Variants in CEP164 observed in about 807,000 individuals in gnomAD.
CEP164 encodes the protein centrosomal protein 164, also known as centrosomal protein of 164 kDa.
CEP164 carries 162 observed loss-of-function variants against 182.7 expected under a neutral mutation model. The observed-to-expected ratio is 0.89, with a 90% CI of 0.78 to 1.01. CEP164 has a LOEUF of 1.01. Ranked by LOEUF, CEP164 falls within the 50% of genes least tolerant of loss-of-function variation. The pLI, the probability that CEP164 is intolerant of heterozygous loss-of-function variation, is 0.00. For synonymous variants in CEP164, 661 were observed against 690.0 expected (o/e 0.96, Z 0.66); for missense variants, 1,735 against 1,790.4 (o/e 0.97, Z 0.56).
rs141552232 is a variant in CEP164, at chr11:117,322,578, CAG to C, written c.-98+7853_-98+7854del. Reference sequence around the variant, plus strand: ...TTTTCCTTTTTCTTTTTTTTTGAGACAGAGTTTTACTCTTGTTGCCCAAGCTG... The same window carrying C: ...TTTTCCTTTTTCTTTTTTTTTGAGACAGTTTTACTCTTGTTGCCCAAGCTG... On this transcript the variant is annotated intron_variant, in intron 1 of 4. Transcript: ENST00000525734. 6.9e-3 allele frequency among the ~76,000 whole-genome samples: 1,042 copies of C among 151,340 alleles called. 11 individuals carry two copies. The highest frequency in any genetic ancestry group is 0.022 in the African/African-American group (901 of 41,210).
chr11:117,335,130 G>A (rs747707080), intron 1 of CEP164, among the ~76,000 whole-genome samples: 2 of 152,124 alleles, frequency 1.3e-5, no homozygotes, highest in Non-Finnish European at 2.9e-5. Context: ...TGCCACCCGG[G>A]TTCCTGGTCC....
At chr11:117,400,753 G>C (rs2046041379) in intron 27 of CEP164, among the ~76,000 whole-genome samples, 2 of 152,196 alleles carry the variant, frequency 1.3e-5, no homozygotes, top group South Asian at 4.1e-4. Context: ...TAGCAACTGT[G>C]AATGGGAGTT....
upstream of CEP164, among the ~76,000 whole-genome samples, chr11:117,327,226 T>C (rs112193791): frequency 8.8e-3 from 1,336 of 152,266 alleles, 22 homozygotes; most frequent in African/African-American, 0.031. Context: ...GCCAGTTTTT[T>C]TGCGGGGAGA....
At chr11:117,391,410 C>T (rs935732551) in intron 17 of CEP164, among the ~76,000 whole-genome samples, 195 bp downstream of exon 17, 3 of 151,968 alleles carry the variant, frequency 2.0e-5, no homozygotes, top group African/African-American at 4.8e-5. Flanking sequence ...CCATATGGAC[C>T]GAATCGGCTC....
chr11:117,388,518 T>C (rs1036249763), intron 15 of CEP164, among the ~76,000 whole-genome samples: 3 of 152,236 alleles, frequency 2.0e-5, no homozygotes, highest in Non-Finnish European at 2.9e-5. Flanking sequence ...TTCCGTCTGC[T>C]GGGAACTTCC....
intron 25 of CEP164, 73 bp downstream of exon 25, chr11:117,396,253 G>A: frequency 1.3e-6 from 2 of 1,524,970 alleles, no homozygotes. Flanking sequence ...CTGGGCATCA[G>A]GGGAGTACTT....
chr11:117,399,938 C>T (rs1308455225), intron 27 of CEP164, among the ~76,000 whole-genome samples: 1 of 152,070 alleles, frequency 6.6e-6, no homozygotes, highest in African/African-American at 2.4e-5. Context: ...CTGTAGGTTG[C>T]CTGTTCACTC....
chr11:117,397,846 G>A (rs2045674302), intron 27 of CEP164, among the ~76,000 whole-genome samples: 1 of 152,086 alleles, frequency 6.6e-6, no homozygotes, highest in Non-Finnish European at 1.5e-5. Flanking sequence ...TGAGATTTTG[G>A]TGGGGACACA....
At chr11:117,355,472 C>T in intron 5 of CEP164, 2 of 1,289,712 alleles carry the variant, frequency 1.6e-6, no homozygotes, top group Non-Finnish European at 2.0e-6. Flanking sequence ...AGGGGAGCAG[C>T]ACAGCCACAG....
At chr11:117,404,403 A>G (rs1250607361) in intron 27 of CEP164, among the ~76,000 whole-genome samples, 1 of 152,202 alleles carries the variant, frequency 6.6e-6, no homozygotes, top group Non-Finnish European at 1.5e-5. Context: ...TCCTTCTAAC[A>G]GGCCACTTTG....
At chr11:117,371,030 T>C (rs370688528) in intron 8 of CEP164, 50 bp from the exon 9 acceptor site, 26 of 1,517,400 alleles carry the variant, frequency 1.7e-5, no homozygotes, top group Non-Finnish European at 2.2e-5. Context: ...CTCAACTCCT[T>C]TTGCACATTC....
At chr11:117,382,975 C>T (rs1167998777) in intron 14 of CEP164, 33 bp downstream of exon 14, 1 of 1,601,276 alleles carries the variant, frequency 6.2e-7, no homozygotes, top group Non-Finnish European at 8.5e-7. Context: ...TGTCCCTGAC[C>T]TCCACTGCGT....
intron 3 of CEP164, among the ~76,000 whole-genome samples, chr11:117,342,658 T>A (rs1009694863): frequency 9.2e-5 from 14 of 151,586 alleles, no homozygotes; most frequent in Non-Finnish European, 1.9e-4. Flanking sequence ...GTATTTTTTA[T>A]ATAGACGAGG....
At position 117,412,151 on chromosome 11, in the gene CEP164, A is replaced by C; in HGVS notation, c.4366A>C (p.Lys1456Gln). Residue 1456 changes from lysine (K) to glutamine (Q), a missense_variant, in exon 33 of 33, where the codon AAG becomes CAG. Physicochemically the swap from Lys to Gln is moderately conservative, Grantham distance 53 (BLOSUM62 1). Transcript: ENST00000278935. Reference protein sequence around the residue: ...QLGLDEHNRVKVYRF With the variant: ...QLGLDEHNRVQVYRF The stretch of plus-strand genomic sequence containing the variant: ...GGGCCTTGATGAGCACAACAGAGTG[A>C]AGGTGTATCGCTTCTGAGGCCCTGA... 1.2e-6 allele frequency: 2 copies of C among 1,614,112 alleles called. No homozygotes were observed. The highest frequency in any genetic ancestry group is 1.3e-5 in the African/African-American group (1 of 75,054).
intron 5 of CEP164, chr11:117,355,541 A>G: frequency 7.9e-7 from 1 of 1,268,882 alleles, no homozygotes; most frequent in Non-Finnish European, 1.0e-6. Flanking sequence ...CCCCATTCCC[A>G]TGTCATCCCC....
intron 8 of CEP164, among the ~76,000 whole-genome samples, chr11:117,364,556 T>G (rs1592178102): frequency 6.7e-6 from 1 of 149,538 alleles, no homozygotes; most frequent in East Asian, 2.0e-4. Flanking sequence ...GTCTAGCCAT[T>G]GGACAGGGCT....
Position 117,409,117 on chromosome 11 carries a change from C to G in CEP164, c.3748+89C>G. ...AGAAGAAGAGCTCTCTTCCCTCAGC[C>G]CTGCAGAGGGAGGCCTCTGTGAGCC... On this transcript the variant is annotated intron_variant, in intron 29 of 32. Transcript: ENST00000278935. The surrounding 1 kb of genome is among the most constrained non-coding windows in gnomAD (Gnocchi z 4.4). The G allele has an allele frequency of 6.6e-7, 1 of 1,522,342 alleles. No individual in the cohort carries two copies. Among genetic ancestry groups the G allele is most frequent in the Non-Finnish European group, 9.0e-7 (1 of 1,116,546 alleles). 94.3% of individuals were successfully genotyped at this position (1,522,342 alleles called of 1,614,324 possible). A position where few individuals can be genotyped will look rare whatever the true frequency, so the allele number is the denominator to read the frequency against.
intron 3 of CEP164, among the ~76,000 whole-genome samples, chr11:117,339,793 G>T (rs564765523): frequency 1.3e-5 from 2 of 151,938 alleles, no homozygotes; most frequent in South Asian, 2.1e-4. Context: ...ACTTCCCAGA[G>T]TGCTGGGATT....
In CEP164 at chr11:117,371,197, A is replaced by G; in HGVS notation, c.883A>G (p.Ser295Gly). The G allele has an allele frequency of 6.2e-7, 1 of 1,614,206 alleles. No individual in the cohort carries two copies. The highest frequency in any genetic ancestry group is 1.1e-5 in the South Asian group (1 of 91,088). The part of the protein sequence containing the change: ...SSPGADSSLS[S>G]AVGKGRQGSG... ...CCCAGGTGCAGACAGCAGTCTGAGC[A>G]GTGCTGTTGGCAAAGGGCGACAGGG... The change falls in exon 9 of 33, where the codon AGT becomes GGT. Residue 295 changes from serine (S) to glycine (G), a missense_variant. Coordinates refer to ENST00000278935, the MANE Select transcript of CEP164 (RefSeq NM_014956.5).
Sources: allele counts gnomAD v4.1 joint callset (sites outside exome capture counted in the v4.1 genomes callset), GRCh38; gene constraint gnomAD v4.1.1; non-coding constraint Gnocchi (gnomAD v3.1); transcripts MANE v1.5; gene names NCBI Gene and HGNC (gene_info 2026-07-23, HGNC 2026-07-21).